The following TMIGD3 variants were observed in gnomAD, a reference collection of about 807,000 sequenced individuals.
TMIGD3 encodes the protein transmembrane and immunoglobulin domain containing 3, also known as AD026 protein (AD026).
TMIGD3 carries 21 observed loss-of-function variants against 28.1 expected under a neutral mutation model. That is an observed-to-expected ratio of 0.75 (90% CI 0.53 to 1.08). TMIGD3 has a LOEUF of 1.08. Ranked by LOEUF, TMIGD3 falls within the 50% of genes least tolerant of loss-of-function variation. The probability of loss-of-function intolerance (pLI) is 0.00; values close to 1 mark genes in which losing one functional copy is unlikely to be tolerated. For missense variants in TMIGD3, 416 were observed against 435.6 expected, an observed-to-expected ratio of 0.96 and a Z score of 0.40; for synonymous variants, 151 against 162.1, an observed-to-expected ratio of 0.93 and a Z score of 0.52.
chr1:111,508,871 C>A (rs954354415), intron 1 of TMIGD3, among the ~76,000 whole-genome samples: 2 of 152,138 alleles, frequency 1.3e-5, no homozygotes, highest in Non-Finnish European at 2.9e-5. Flanking sequence ...CCGAGGCGGG[C>A]GGATCACGAG....
At chr1:111,554,784 C>A (rs1029017807) in intron 1 of TMIGD3, among the ~76,000 whole-genome samples, 1 of 152,050 alleles carries the variant, frequency 6.6e-6, no homozygotes, top group African/African-American at 2.4e-5. Context: ...GGTTGGTAGA[C>A]CCCAAGCCCC....
At chr1:111,487,616 C>T (rs1287889952) in intron 3 of TMIGD3, among the ~76,000 whole-genome samples, 1 of 152,040 alleles carries the variant, frequency 6.6e-6, no homozygotes, top group African/African-American at 2.4e-5. Context: ...ACAGAAGGAA[C>T]CTGAGTGAAC....
In TMIGD3 at chr1:111,500,336, C is replaced by T. The variant is rs771500225; in HGVS notation, c.350+2669G>A. 3.7e-6 allele frequency: 6 copies of T among 1,614,162 alleles called. No homozygotes were observed. The Admixed American group carries it at 1.0e-4, about 27-fold the overall frequency. On this transcript the variant is annotated intron_variant, in intron 1 of 5. Transcript: ENST00000369716. Reference sequence around the variant, plus strand: ...TCAAGATAGATGGCGCACATGACAACCAGGGGGATGAAAATCCAGGTGAGG... The same window carrying T: ...TCAAGATAGATGGCGCACATGACAATCAGGGGGATGAAAATCCAGGTGAGG...
At chr1:111,533,305 A>G (rs1656515854) in intron 1 of TMIGD3, among the ~76,000 whole-genome samples, 1 of 152,218 alleles carries the variant, frequency 6.6e-6, no homozygotes, top group South Asian at 2.1e-4. Flanking sequence ...TAATCTGTTC[A>G]ATATTTTTAA....
chr1:111,550,823 A>G (rs999005451), intron 1 of TMIGD3, among the ~76,000 whole-genome samples: 1 of 152,242 alleles, frequency 6.6e-6, no homozygotes, highest in African/African-American at 2.4e-5. Flanking sequence ...GTCAGAGAAC[A>G]TATTTTATGT....
At chr1:111,508,195 C>T (rs1293453324), upstream of TMIGD3, among the ~76,000 whole-genome samples, 1 of 152,208 alleles carries the variant, frequency 6.6e-6, no homozygotes, top group Non-Finnish European at 1.5e-5. Context: ...ACCAGACCCC[C>T]CCACCCACAC....
chr1:111,485,731 G>C lies in TMIGD3; in HGVS notation c.973+9C>G. ...TTGCCCACCCCCTCCCTCAACAATA[G>C]CTACTTACCCCTTCTATTCCTTTGA... is the stretch of plus-strand genomic sequence containing the variant. On this transcript the variant is annotated intron_variant, in intron 5 of 5. Coordinates refer to ENST00000369716, the MANE Select transcript of TMIGD3 (RefSeq NM_020683.7). 1.5e-6 allele frequency: 1 copy of C among 659,332 alleles called. No individual in the cohort carries two copies. 40.8% of individuals were successfully genotyped at this position (659,332 alleles called of 1,614,324 possible).
chr1:111,495,964 T>G (rs998106371), intron 1 of TMIGD3, among the ~76,000 whole-genome samples: 4 of 151,802 alleles, frequency 2.6e-5, no homozygotes, highest in Non-Finnish European at 2.9e-5. Context: ...TGATAAAACA[T>G]GGAGAAAAAG....
chr1:111,525,239 T>A (rs1037274086), intron 1 of TMIGD3, among the ~76,000 whole-genome samples: 10 of 152,242 alleles, frequency 6.6e-5, no homozygotes, highest in Non-Finnish European at 1.2e-4. Context: ...CCTGTCTACT[T>A]GTTCTAAAAT....
intron 1 of TMIGD3, among the ~76,000 whole-genome samples, chr1:111,530,347 TA>T (rs1371121649): frequency 1.3e-5 from 2 of 152,194 alleles, no homozygotes; most frequent in Admixed American, 1.3e-4. Context: ...CAATTATTTT[TA>T]AAGAGATTTT....
chr1:111,544,569 C>G (rs142470042), intron 1 of TMIGD3, among the ~76,000 whole-genome samples: 12 of 152,238 alleles, frequency 7.9e-5, no homozygotes, highest in African/African-American at 2.6e-4. Context: ...GAATAACGTT[C>G]CATTATATAC....
At chr1:111,561,454 G>A (rs954294703) in intron 1 of TMIGD3, among the ~76,000 whole-genome samples, 2 of 152,160 alleles carry the variant, frequency 1.3e-5, no homozygotes. Flanking sequence ...GGATCTGGTG[G>A]CCAGCTGGCA....
chr1:111,537,675 T>C (rs570778344), intron 1 of TMIGD3, among the ~76,000 whole-genome samples: 1 of 152,314 alleles, frequency 6.6e-6, no homozygotes, highest in South Asian at 2.1e-4. Context: ...GTGCCCCCAT[T>C]ATTTTAAAGA....
intron 2 of TMIGD3, chr1:111,489,350 G>T: frequency 3.2e-6 from 1 of 309,384 alleles, no homozygotes; most frequent in Non-Finnish European, 6.0e-6. Context: ...TTAAGACACT[G>T]ACAATACAAA....
chr1:111,562,313 A>C (rs1255592804), intron 1 of TMIGD3, among the ~76,000 whole-genome samples: 1 of 152,172 alleles, frequency 6.6e-6, no homozygotes, highest in Non-Finnish European at 1.5e-5. Flanking sequence ...CTGTTTCCTC[A>C]ACCATAATAG....
At chr1:111,497,077 A>G (rs1409652278) in intron 1 of TMIGD3, among the ~76,000 whole-genome samples, 2 of 152,164 alleles carry the variant, frequency 1.3e-5, no homozygotes, top group African/African-American at 4.8e-5. Context: ...AGCAAGCCAG[A>G]AGAGGGGTTC....
At chr1:111,560,096 G>A (rs965509460) in intron 1 of TMIGD3, among the ~76,000 whole-genome samples, 1 of 152,206 alleles carries the variant, frequency 6.6e-6, no homozygotes, top group Non-Finnish European at 1.5e-5. Context: ...AATAGACTGA[G>A]CATTGGAAGC....
At chr1:111,549,403 C>A (rs1657168288) in intron 1 of TMIGD3, among the ~76,000 whole-genome samples, 1 of 150,434 alleles carries the variant, frequency 6.6e-6, no homozygotes, top group Admixed American at 6.6e-5. Context: ...AATCCCAGCA[C>A]TTCGGGAGGC....
intron 2 of TMIGD3, chr1:111,489,864 A>G: frequency 3.4e-6 from 2 of 594,472 alleles, no homozygotes; most frequent in Non-Finnish European, 4.2e-6. Context: ...TTGCACAATG[A>G]GGAAGTCACG....
Sources: allele counts gnomAD v4.1 joint callset (sites outside exome capture counted in the v4.1 genomes callset), GRCh38; gene constraint gnomAD v4.1.1; transcripts MANE v1.5; gene names NCBI Gene and HGNC (gene_info 2026-07-23, HGNC 2026-07-21).